Variants in RAD54L2 observed in about 807,000 individuals in gnomAD.
RAD54L2 encodes helicase ARIP4.
Under a neutral mutation model 138.4 loss-of-function variants are expected in RAD54L2, and 27 were observed. The ratio of observed to expected loss-of-function variants is 0.20; its 90% CI spans 0.14 to 0.27. RAD54L2 has a LOEUF of 0.27. Among genes scored for constraint, RAD54L2 ranks in the 10% least tolerant of loss-of-function variants. The pLI is 1.00. For missense variants in RAD54L2, 1,396 were observed against 1,890.2 expected (o/e 0.74, Z 4.85); for synonymous variants, 644 against 723.2 (o/e 0.89, Z 1.76).
At chr3:51,636,667 G>A (rs958152189) in intron 10 of RAD54L2, among the ~76,000 whole-genome samples, 4 of 152,186 alleles carry the variant, frequency 2.6e-5, no homozygotes, top group African/African-American at 7.2e-5. Context: ...GGAACGGAAC[G>A]GGGGAAAGGG....
chr3:51,618,542 A>AC (rs1266160815), intron 3 of RAD54L2, among the ~76,000 whole-genome samples: 2 of 151,910 alleles, frequency 1.3e-5, no homozygotes, highest in African/African-American at 2.4e-5. Flanking sequence ...GTGCCACCGT[A>AC]CCCCCGACTG....
intron 3 of RAD54L2, among the ~76,000 whole-genome samples, chr3:51,605,451 G>GGT (rs374550251): frequency 9.2e-6 from 1 of 109,278 alleles, no homozygotes; most frequent in African/African-American, 3.6e-5. Context: ...GAATTTGAGG[G>GGT]TTTTTTTTTT....
At chr3:51,629,067 C>A (rs905616525) in intron 4 of RAD54L2, among the ~76,000 whole-genome samples, 2 of 152,126 alleles carry the variant, frequency 1.3e-5, no homozygotes, top group Non-Finnish European at 2.9e-5. Context: ...AAATATTACT[C>A]TAGTTTATTC....
Position 51,646,421 on chromosome 3 carries a change from A to G in RAD54L2, c.2966A>G (p.Gln989Arg). ...CCCTATACCCGCCCATCGTATGCGC[A>G]GTATTACCCTGCCAGCGATCAGAGC... ...SVPYTRPSYA[Q>R]YYPASDQSLT... The change falls in exon 19 of 23, where the codon CAG becomes CGG. Residue 989 changes from glutamine to arginine, a missense_variant. Around this residue, in one of 7 missense-constraint regions of RAD54L2, gnomAD observed 634 missense variants for 711.2 expected, o/e 0.89. Transcript: ENST00000684192. 3 of 1,613,878 alleles carry G rather than the reference A, an allele frequency of 1.9e-6. No homozygotes were observed. The highest frequency in any genetic ancestry group is 2.5e-6 in the Non-Finnish European group (3 of 1,179,838).
At chr3:51,655,207 GT>G (rs35305142) in intron 19 of RAD54L2, among the ~76,000 whole-genome samples, 17,935 of 148,444 alleles carry the variant, frequency 0.12, 1,259 homozygotes, top group Middle Eastern at 0.21. Context: ...AGTCTTAAGG[GT>G]TTTTTTTTTT....
In RAD54L2 at chr3:51,637,031, G is replaced by T. The variant is rs775296845; in HGVS notation, c.1340-130G>T. 8.2e-5 allele frequency: 65 copies of T among 789,666 alleles called. No homozygotes were observed. Among genetic ancestry groups the T allele is most frequent in the South Asian group, 8.2e-5 (5 of 60,832 alleles). The allele number at this position is 789,666 out of a possible 1,614,324, so 48.9% of individuals were successfully genotyped here. On this transcript the variant is annotated intron_variant, in intron 10 of 22. Coordinates refer to ENST00000684192, the MANE Select transcript of RAD54L2 (RefSeq NM_015106.4). The surrounding 1 kb of genome is among the most constrained non-coding windows in gnomAD (Gnocchi z 5.9). ...GAATGGCTGGCACCCTCTCACCAAGGGGGGCTGACTCTTGCTTTCCTGCTT... is the reference window on the plus strand; with the variant it reads ...GAATGGCTGGCACCCTCTCACCAAGTGGGGCTGACTCTTGCTTTCCTGCTT...
intron 3 of RAD54L2, among the ~76,000 whole-genome samples, chr3:51,626,713 GGGATTACA>G (rs1163709907): frequency 1.3e-5 from 2 of 151,740 alleles, no homozygotes; most frequent in Non-Finnish European, 2.9e-5. Context: ...TCAAAGAGTT[GGGATTACA>G]GGCATGAGCC....
intron 1 of RAD54L2, 64 bp from the exon 2 acceptor site, chr3:51,541,525 C>T (rs782802746): frequency 1.4e-4 from 21 of 152,160 alleles, no homozygotes; most frequent in Non-Finnish European, 2.2e-4. Flanking sequence ...CACACTCCTT[C>T]CCACTGTGGT....
rs754278783 is a variant in RAD54L2 at position 51,633,529 on chromosome 3, C to G, written c.826-48C>G. ...ATTACAAAGTGAGTAAAAACTGGAG[C>G]CCTCATCTTTGTGAGCCCCTCTGAC... On this transcript the variant is annotated intron_variant, in intron 7 of 22. Transcript: ENST00000684192. 12 of 1,539,322 alleles carry G rather than the reference C, an allele frequency of 7.8e-6. No homozygotes were observed. The South Asian group carries it at 1.4e-4, about 18-fold the overall frequency.
chr3:51,584,807 TTTTA>T (rs1699678315), intron 2 of RAD54L2, among the ~76,000 whole-genome samples: 1 of 151,726 alleles, frequency 6.6e-6, no homozygotes, highest in African/African-American at 2.4e-5. Flanking sequence ...TTTAAAAATT[TTTTA>T]TTTATTTATT....
intron 2 of RAD54L2, among the ~76,000 whole-genome samples, chr3:51,554,875 C>T (rs189113959): frequency 6.6e-6 from 1 of 152,156 alleles, no homozygotes; most frequent in East Asian, 1.9e-4. Flanking sequence ...CAAGGTCTCC[C>T]TTTGTCTACC....
chr3:51,547,901 T>C (rs1577380285), intron 2 of RAD54L2, among the ~76,000 whole-genome samples: 1 of 152,228 alleles, frequency 6.6e-6, no homozygotes, highest in South Asian at 2.1e-4. Flanking sequence ...TTCTTTTTTT[T>C]TGTTTTTGAG....
At chr3:51,647,596 G>A (rs1244878010) in intron 19 of RAD54L2, among the ~76,000 whole-genome samples, 1 of 152,150 alleles carries the variant, frequency 6.6e-6, no homozygotes, top group Non-Finnish European at 1.5e-5. Context: ...TTGAATCTGG[G>A]AGGCAGAGGT....
In RAD54L2 at chr3:51,627,341, C is replaced by T. The variant is rs530238512; in HGVS notation, c.140-212C>T. 4.6e-5 allele frequency among the ~76,000 whole-genome samples: 7 copies of T among 152,272 alleles called. No homozygotes were observed. The South Asian group carries it at 6.2e-4, about 14-fold the overall frequency. On this transcript the variant is annotated intron_variant, in intron 3 of 22. Coordinates refer to ENST00000684192, the MANE Select transcript of RAD54L2 (RefSeq NM_015106.4). ...GGCCAGGCTTGGTTCTAGGCATGCA[C>T]GCTATGCAGTCCTCACAATAGCTCT...
At chr3:51,573,976 C>T (rs924756410) in intron 2 of RAD54L2, among the ~76,000 whole-genome samples, 1 of 151,584 alleles carries the variant, frequency 6.6e-6, no homozygotes, top group Non-Finnish European at 1.5e-5. Flanking sequence ...AGGTGTGTCT[C>T]TTAATGCTAT....
At chr3:51,610,652 A>C (rs1174116234) in intron 3 of RAD54L2, among the ~76,000 whole-genome samples, 2 of 152,030 alleles carry the variant, frequency 1.3e-5, no homozygotes, top group Non-Finnish European at 2.9e-5. Context: ...AAAAAAAAAA[A>C]AAAAACAGAA....
intron 10 of RAD54L2, among the ~76,000 whole-genome samples, chr3:51,636,362 G>C (rs1700983392): frequency 6.6e-6 from 1 of 152,160 alleles, no homozygotes; most frequent in Non-Finnish European, 1.5e-5. Context: ...TTCTAGGTTT[G>C]CTTCTATGGT....
In RAD54L2 at chr3:51,665,973, G is replaced by C. The variant is rs1641247263; in HGVS notation, c.*2553G>C. 1 of 152,134 alleles carries C rather than the reference G, an allele frequency of 6.6e-6. No homozygotes were observed. The allele number at this position is 152,134 out of a possible 1,614,324, so 9.4% of individuals were successfully genotyped here. On this transcript the variant is annotated 3_prime_UTR_variant, in exon 23 of 23. Transcript: ENST00000684192. ...TTTTGAAGTTGACAGAAAGTAAATGGGTATTCTGAGAGGCAGCACATGCCT... is the reference window on the plus strand; with the variant it reads ...TTTTGAAGTTGACAGAAAGTAAATGCGTATTCTGAGAGGCAGCACATGCCT...
At chr3:51,565,606 A>G (rs1262339765) in intron 2 of RAD54L2, among the ~76,000 whole-genome samples, 1 of 151,488 alleles carries the variant, frequency 6.6e-6, no homozygotes, top group Non-Finnish European at 1.5e-5. Context: ...CTGAGTAGCT[A>G]GGATTACAGG....
Sources: allele counts gnomAD v4.1 joint callset (sites outside exome capture counted in the v4.1 genomes callset), GRCh38; gene constraint gnomAD v4.1.1; regional missense constraint gnomAD v4.1.1; non-coding constraint Gnocchi (gnomAD v3.1); transcripts MANE v1.5; gene names NCBI Gene and HGNC (gene_info 2026-07-23, HGNC 2026-07-21).